MPPED2: variants seen among roughly 807,000 people sequenced by gnomAD.
MPPED2 encodes the protein metallophosphoesterase MPPED2.
MPPED2 carries 5 observed loss-of-function variants against 33.0 expected under a neutral mutation model. That is an observed-to-expected ratio of 0.15 (90% CI 0.08 to 0.32). The LOEUF (loss-of-function observed/expected upper bound fraction) is 0.32, where lower values mean the gene tolerates loss of function less well. Among genes scored for constraint, MPPED2 ranks in the 10% least tolerant of loss-of-function variants. MPPED2 has a pLI of 1.00. For missense variants in MPPED2, 275 were observed against 372.1 expected (o/e 0.74, Z 2.15); for synonymous variants, 136 against 141.9 (o/e 0.96, Z 0.29).
chr11:30,566,568 A>G lies in MPPED2; in HGVS notation c.128+13678T>C, dbSNP rs376075617. 1.4e-3 allele frequency among the ~76,000 whole-genome samples: 219 copies of G among 152,296 alleles called. 1 individual carries two copies. Among genetic ancestry groups the G allele is most frequent in the African/African-American group, 5.1e-3 (211 of 41,564 alleles). ...CCTCAAGTCTACATACATGCTCTCA[A>G]AATGAATGAGTGATTACAAGGCAGC... On this transcript the variant is annotated intron_variant, in intron 2 of 6. Coordinates refer to ENST00000358117, the MANE Select transcript of MPPED2 (RefSeq NM_001584.3).
intron 4 of MPPED2, among the ~76,000 whole-genome samples, chr11:30,436,774 C>T (rs968791786): frequency 1.3e-5 from 2 of 152,158 alleles, no homozygotes; most frequent in African/African-American, 4.8e-5. Flanking sequence ...ACATTTTTCC[C>T]ATTAAGTCCT....
At chr11:30,475,026 T>G (rs1338968368) in intron 4 of MPPED2, among the ~76,000 whole-genome samples, 1 of 152,132 alleles carries the variant, frequency 6.6e-6, no homozygotes, top group Non-Finnish European at 1.5e-5. Context: ...TAAGTTATGG[T>G]GAGCATGGTT....
chr11:30,391,942 T>C (rs1947783356), intron 6 of MPPED2, among the ~76,000 whole-genome samples: 1 of 152,184 alleles, frequency 6.6e-6, no homozygotes, highest in Non-Finnish European at 1.5e-5. Flanking sequence ...ACTAAGTGTG[T>C]AATCCAGAGC....
At chr11:30,500,479 C>T (rs554389560) in intron 3 of MPPED2, among the ~76,000 whole-genome samples, 5 of 152,266 alleles carry the variant, frequency 3.3e-5, no homozygotes, top group East Asian at 1.9e-4. Context: ...AAACTGTGGA[C>T]GCAGCATGGG....
At chr11:30,403,588 G>A (rs1288072919) in intron 6 of MPPED2, among the ~76,000 whole-genome samples, 1 of 152,196 alleles carries the variant, frequency 6.6e-6, no homozygotes, top group Non-Finnish European at 1.5e-5. Context: ...ATGCTACAGA[G>A]AGGAATACTG....
intron 4 of MPPED2, among the ~76,000 whole-genome samples, chr11:30,461,847 G>A (rs1173450384): frequency 1.3e-5 from 2 of 152,254 alleles, no homozygotes; most frequent in Non-Finnish European, 2.9e-5. Context: ...GATTCTGAAG[G>A]GAAGCAACAT....
intron 4 of MPPED2, chr11:30,425,748 C>T (rs764834672): frequency 6.6e-6 from 1 of 152,120 alleles, no homozygotes; most frequent in Non-Finnish European, 1.5e-5. Flanking sequence ...GCCCTGGGAC[C>T]CTGAGGAGAG....
intron 6 of MPPED2, among the ~76,000 whole-genome samples, chr11:30,401,155 T>G (rs188261953): frequency 6.6e-6 from 1 of 152,340 alleles, no homozygotes; most frequent in Non-Finnish European, 1.5e-5. Flanking sequence ...TAGTTTGGTT[T>G]TCGAAAAATC....
chr11:30,521,246 A>G (rs1953859928), intron 3 of MPPED2, among the ~76,000 whole-genome samples: 1 of 151,946 alleles, frequency 6.6e-6, no homozygotes, highest in Non-Finnish European at 1.5e-5. Flanking sequence ...TAAAACAGAA[A>G]GGAAAGAAAA....
chr11:30,409,352 C>T (rs749249706), downstream of MPPED2, among the ~76,000 whole-genome samples: 3 of 152,192 alleles, frequency 2.0e-5, no homozygotes, highest in African/African-American at 4.8e-5. Flanking sequence ...GCACCTCTTT[C>T]GGTCCATGTT....
intron 3 of MPPED2, among the ~76,000 whole-genome samples, chr11:30,529,092 G>T (rs1954364179): frequency 6.6e-6 from 1 of 152,064 alleles, no homozygotes; most frequent in Non-Finnish European, 1.5e-5. Flanking sequence ...AAGTGCATCA[G>T]TACAACAGAA....
At chr11:30,401,491 T>TA (rs1433109688) in intron 6 of MPPED2, among the ~76,000 whole-genome samples, 55 of 152,338 alleles carry the variant, frequency 3.6e-4, no homozygotes, top group African/African-American at 1.3e-3. Flanking sequence ...CATGAAAAGA[T>TA]ATGTACTGGG....
intron 4 of MPPED2, among the ~76,000 whole-genome samples, chr11:30,438,952 G>A (rs1012129683): frequency 1.8e-4 from 28 of 152,200 alleles, no homozygotes; most frequent in African/African-American, 6.8e-4. Flanking sequence ...GTCAGACTCA[G>A]AGAAGGAACA....
At chr11:30,435,471 A>G (rs1949282389) in intron 4 of MPPED2, among the ~76,000 whole-genome samples, 1 of 152,206 alleles carries the variant, frequency 6.6e-6, no homozygotes, top group East Asian at 1.9e-4. Flanking sequence ...CACAGTGGCT[A>G]TACATTTGGA....
At chr11:30,554,343 C>T (rs1340236758) in intron 2 of MPPED2, among the ~76,000 whole-genome samples, 1 of 152,188 alleles carries the variant, frequency 6.6e-6, no homozygotes, top group Non-Finnish European at 1.5e-5. Context: ...CTGCCTCTTT[C>T]CTGTTGTTAA....
chr11:30,452,005 C>T, intron 4 of MPPED2: 1 of 985,406 alleles, frequency 1.0e-6, no homozygotes, highest in Non-Finnish European at 1.2e-6. Context: ...AAAACGATTC[C>T]CATTTCCTGC....
chr11:30,480,600 T>G (rs539407235), intron 4 of MPPED2, among the ~76,000 whole-genome samples: 1 of 152,266 alleles, frequency 6.6e-6, no homozygotes, highest in South Asian at 2.1e-4. Flanking sequence ...ACAAATTTAA[T>G]TTGGAGTTTT....
intron 2 of MPPED2, among the ~76,000 whole-genome samples, chr11:30,543,123 G>GA (rs569169363): frequency 1.7e-4 from 26 of 152,148 alleles, no homozygotes; most frequent in African/African-American, 5.1e-4. Flanking sequence ...TCTCCTAAAT[G>GA]AAAAAAATGC....
At chr11:30,438,373 A>G (rs1949415590) in intron 4 of MPPED2, among the ~76,000 whole-genome samples, 1 of 152,202 alleles carries the variant, frequency 6.6e-6, no homozygotes, top group South Asian at 2.1e-4. Flanking sequence ...TGCAGTCTCA[A>G]ATTACCTATG....
Sources: gnomAD v4.1 joint callset for allele counts (sites outside exome capture counted in the v4.1 genomes callset) on GRCh38, gnomAD v4.1.1 for gene constraint, MANE v1.5 for transcripts, NCBI Gene and HGNC (gene_info 2026-07-23, HGNC 2026-07-21) for gene names.